Variants in KIAA1328 observed in about 807,000 individuals in gnomAD.
KIAA1328 encodes KIAA1328, also known as protein hinderin.
In KIAA1328, 52 loss-of-function variants were observed where a neutral mutation model predicts 68.1. That is an observed-to-expected ratio of 0.76 (90% CI 0.61 to 0.96). The LOEUF (loss-of-function observed/expected upper bound fraction) is 0.96. Among genes scored for constraint, KIAA1328 ranks in the 40% least tolerant of loss-of-function variants. The pLI, the probability that KIAA1328 is intolerant of heterozygous loss-of-function variation, is 0.00. For synonymous variants in KIAA1328, 232 were observed against 239.4 expected, an observed-to-expected ratio of 0.97 and a Z score of 0.28; for missense variants, 641 against 677.6, an observed-to-expected ratio of 0.95 and a Z score of 0.60.
chr18:37,160,463 T>A, intron 8 of KIAA1328, 82 bp downstream of exon 8: 1 of 1,308,544 alleles, frequency 7.6e-7, no homozygotes, highest in South Asian at 1.5e-5. Flanking sequence ...GATGATTTCC[T>A]ACAATGCTGA....
chr18:37,045,977 T>C (rs1038067399), intron 6 of KIAA1328, among the ~76,000 whole-genome samples: 3 of 152,150 alleles, frequency 2.0e-5, no homozygotes, highest in African/African-American at 7.2e-5. Flanking sequence ...CCAAAAAGAA[T>C]TGTGTTTAAG....
At chr18:37,104,187 A>T (rs1434542851) in intron 7 of KIAA1328, among the ~76,000 whole-genome samples, 1 of 152,218 alleles carries the variant, frequency 6.6e-6, no homozygotes, top group Non-Finnish European at 1.5e-5. Flanking sequence ...AAAGGAAAGG[A>T]AATCAGTTAT....
intron 5 of KIAA1328, among the ~76,000 whole-genome samples, chr18:36,958,914 G>C (rs1306269197): frequency 6.6e-6 from 1 of 151,710 alleles, no homozygotes; most frequent in African/African-American, 2.4e-5. Flanking sequence ...AGGTCACAAA[G>C]ATGTACTTTT....
At chr18:37,231,194 C>T (rs1660399509), downstream of KIAA1328, 1 of 152,152 alleles carries the variant, frequency 6.6e-6, no homozygotes, top group South Asian at 2.1e-4. Flanking sequence ...GCTCTGTGCA[C>T]TGTCTGCCCT....
At chr18:37,084,259 A>C in intron 7 of KIAA1328, 1 of 1,309,026 alleles carries the variant, frequency 7.6e-7, no homozygotes, top group Non-Finnish European at 1.0e-6. Context: ...AGTTAAAACA[A>C]GAATCTTAAG....
chr18:36,890,500 G>A (rs948857638), intron 5 of KIAA1328, among the ~76,000 whole-genome samples: 5 of 151,932 alleles, frequency 3.3e-5, no homozygotes, highest in African/African-American at 4.8e-5. Flanking sequence ...GTGAAACCCC[G>A]TCTCTACTAA....
intron 4 of KIAA1328, among the ~76,000 whole-genome samples, chr18:36,860,366 C>T (rs2150884342): frequency 6.6e-6 from 1 of 152,032 alleles, no homozygotes; most frequent in South Asian, 2.1e-4. Context: ...TAAAGTTTCC[C>T]ACTGTGATTT....
intron 9 of KIAA1328, among the ~76,000 whole-genome samples, chr18:37,204,614 A>G (rs564405249): frequency 1.8e-4 from 28 of 152,334 alleles, no homozygotes; most frequent in Non-Finnish European, 2.6e-4. Flanking sequence ...GTTTTAGAGC[A>G]TAAGGTAGTA....
At chr18:36,872,602 A>T (rs1181561882) in intron 4 of KIAA1328, among the ~76,000 whole-genome samples, 1 of 152,206 alleles carries the variant, frequency 6.6e-6, no homozygotes, top group Non-Finnish European at 1.5e-5. Context: ...CTAAAAACCA[A>T]GCCAAAGGAA....
At chr18:37,170,661 T>C (rs1234126743) in intron 8 of KIAA1328, among the ~76,000 whole-genome samples, 1 of 152,190 alleles carries the variant, frequency 6.6e-6, no homozygotes, top group African/African-American at 2.4e-5. Flanking sequence ...TCTTAATTCC[T>C]CAGACTTTTC....
chr18:36,852,578 C>G (rs972619461), intron 4 of KIAA1328, among the ~76,000 whole-genome samples: 27 of 152,170 alleles, frequency 1.8e-4, no homozygotes, highest in African/African-American at 5.6e-4. Context: ...TTACCTCCTC[C>G]TCCCTGCTGT....
intron 9 of KIAA1328, among the ~76,000 whole-genome samples, chr18:37,211,096 C>T (rs1322524568): frequency 6.6e-6 from 1 of 152,198 alleles, no homozygotes. Flanking sequence ...GAAAAGATAG[C>T]TCAGTTACAA....
intron 9 of KIAA1328, among the ~76,000 whole-genome samples, chr18:37,185,390 A>G (rs550142710): frequency 6.6e-6 from 1 of 152,246 alleles, no homozygotes; most frequent in African/African-American, 2.4e-5. Context: ...TTACTATATT[A>G]TAGGGAGGAC....
chr18:37,221,778 A>C (rs931195186), intron 9 of KIAA1328, among the ~76,000 whole-genome samples: 2 of 152,272 alleles, frequency 1.3e-5, no homozygotes, highest in Middle Eastern at 3.4e-3. Flanking sequence ...CTCTCTTCAT[A>C]AGTTATAAAG....
intron 7 of KIAA1328, 139 bp downstream of exon 7, chr18:37,067,684 C>G (rs1021186187): frequency 3.2e-5 from 29 of 911,824 alleles, no homozygotes; most frequent in East Asian, 5.5e-5. Context: ...CTCAGCCTCC[C>G]GAGTAGCTGG....
At chr18:36,870,600 A>G (rs1004819574) in intron 4 of KIAA1328, among the ~76,000 whole-genome samples, 1 of 152,176 alleles carries the variant, frequency 6.6e-6, no homozygotes, top group Admixed American at 6.5e-5. Flanking sequence ...TTTTATTTGA[A>G]GTAATTTAGA....
At chr18:36,928,085 C>T (rs1247187259) in intron 5 of KIAA1328, among the ~76,000 whole-genome samples, 1 of 152,126 alleles carries the variant, frequency 6.6e-6, no homozygotes, top group African/African-American at 2.4e-5. Context: ...CCAACCCCAA[C>T]CCCAGTAGGG....
chr18:37,227,448 G>A (rs548846659), downstream of KIAA1328, among the ~76,000 whole-genome samples: 15 of 152,346 alleles, frequency 9.8e-5, no homozygotes, highest in African/African-American at 2.9e-4. Flanking sequence ...CAGGCTGACT[G>A]TCTTTTTAGG....
chr18:37,212,372 C>T (rs1402614956), intron 9 of KIAA1328, among the ~76,000 whole-genome samples: 1 of 152,144 alleles, frequency 6.6e-6, no homozygotes, highest in African/African-American at 2.4e-5. Context: ...AATGTCATGA[C>T]ATTTCCATGC....
Sources: allele counts gnomAD v4.1 joint callset (sites outside exome capture counted in the v4.1 genomes callset), GRCh38; gene constraint gnomAD v4.1.1; transcripts MANE v1.5; gene names NCBI Gene and HGNC (gene_info 2026-07-23, HGNC 2026-07-21).